Variants in DGLUCY observed in about 807,000 individuals in gnomAD.
DGLUCY encodes D-glutamate cyclase, mitochondrial.
A neutral mutation model predicts 58.5 loss-of-function variants in DGLUCY; 58 were observed. That is an observed-to-expected ratio of 0.99 (90% CI 0.80 to 1.23). DGLUCY has a LOEUF of 1.23. Ranked by LOEUF, DGLUCY falls within the 50% of genes most tolerant of loss-of-function variation. The pLI, the probability that DGLUCY is intolerant of heterozygous loss-of-function variation, is 0.00. For missense variants in DGLUCY, 779 were observed against 784.7 expected, an observed-to-expected ratio of 0.99 and a Z score of 0.09; for synonymous variants, 325 against 314.1, an observed-to-expected ratio of 1.03 and a Z score of -0.37.
intron 1 of DGLUCY, among the ~76,000 whole-genome samples, chr14:91,074,928 C>G (rs58476909): frequency 6.6e-6 from 1 of 151,818 alleles, no homozygotes; most frequent in Non-Finnish European, 1.5e-5. Context: ...CAAAATTAGC[C>G]GGGTGTGGTG....
intron 13 of DGLUCY, among the ~76,000 whole-genome samples, chr14:91,223,328 A>C (rs1036198900): frequency 8.5e-5 from 13 of 152,288 alleles, no homozygotes; most frequent in African/African-American, 3.1e-4. Context: ...ACCTTTGATC[A>C]ATGGTGGGAT....
chr14:91,215,336 TC>T, intron 12 of DGLUCY, 68 bp from the exon 13 acceptor site: 1 of 1,544,092 alleles, frequency 6.5e-7, no homozygotes. Flanking sequence ...TAGTTCTGCT[TC>T]CTAGAGGCAG....
In DGLUCY at chr14:91,213,982, G is replaced by A. The variant is rs992091844; in HGVS notation, c.1565-1423G>A. 1.8e-4 allele frequency among the ~76,000 whole-genome samples: 27 copies of A among 151,982 alleles called. 1 individual carries two copies. The highest frequency in any genetic ancestry group is 6.0e-4 in the African/African-American group (25 of 41,380). On this transcript the variant is annotated intron_variant, in intron 12 of 13. Coordinates refer to ENST00000256324, the MANE Select transcript of DGLUCY (RefSeq NM_001102368.3). ...CCCAAATTGCTAGGATTACAGGCTT[G>A]AGCCACCGTGCCCGGCCAAGGGAGT... is the stretch of plus-strand genomic sequence containing the variant.
At chr14:91,074,715 G>C (rs1460937851) in intron 1 of DGLUCY, among the ~76,000 whole-genome samples, 1 of 152,022 alleles carries the variant, frequency 6.6e-6, no homozygotes, top group Admixed American at 6.6e-5. Flanking sequence ...GAAAGTAATG[G>C]CAAAAACCAT....
chr14:91,192,910 T>G lies in DGLUCY; in HGVS notation c.1196-3465T>G, dbSNP rs1336436309. On this transcript the variant is annotated intron_variant, in intron 9 of 13. Transcript: ENST00000256324. ...GACCCTGTTAGGTATGAGGTGCGTC[T>G]ATTAGACACACAGTGGAGAAGTCAA... 2.0e-5 allele frequency among the ~76,000 whole-genome samples: 3 copies of G among 152,350 alleles called. No individual in the cohort carries two copies. In the East Asian group the frequency reaches 5.8e-4, roughly 29 times the overall value.
chr14:91,117,249 A>T (rs1045398292), intron 1 of DGLUCY, among the ~76,000 whole-genome samples: 1 of 152,172 alleles, frequency 6.6e-6, no homozygotes, highest in African/African-American at 2.4e-5. Flanking sequence ...GGTCACTTTC[A>T]TTGCTATCTT....
intron 6 of DGLUCY, among the ~76,000 whole-genome samples, chr14:91,174,821 C>T (rs182426652): frequency 3.4e-4 from 52 of 152,230 alleles, no homozygotes; most frequent in African/African-American, 3.9e-4. Flanking sequence ...GCCCTCAACC[C>T]GTGGGTTCTG....
At chr14:91,169,184 G>A (rs1459076317) in intron 4 of DGLUCY, among the ~76,000 whole-genome samples, 11 of 152,182 alleles carry the variant, frequency 7.2e-5, no homozygotes, top group Middle Eastern at 6.8e-3. Context: ...GCATGTGCCC[G>A]GCATGAAGGC....
At chr14:91,212,462 C>T (rs1201862342) in intron 12 of DGLUCY, among the ~76,000 whole-genome samples, 1 of 152,200 alleles carries the variant, frequency 6.6e-6, no homozygotes, top group Non-Finnish European at 1.5e-5. Context: ...ACTCCAGGAG[C>T]TACTCTATGT....
In DGLUCY at chr14:91,215,707, G is replaced by T. The variant is rs1417487318; in HGVS notation, c.1716+151G>T. ...CCAGCCTTGAAGCAGAGGTCTCCTG[G>T]ATTGGGTGCCCTTTAAGCTACTCGC... On this transcript the variant is annotated intron_variant, in intron 13 of 13. Transcript: ENST00000256324. 3.2e-6 allele frequency: 5 copies of T among 1,544,596 alleles called. No homozygotes were observed. The East Asian group carries it at 1.2e-4, about 37-fold the overall frequency.
chr14:91,091,272 G>A (rs1595630466), intron 1 of DGLUCY: 2 of 152,172 alleles, frequency 1.3e-5, no homozygotes, highest in African/African-American at 4.8e-5. Flanking sequence ...TGTAATCTCA[G>A]CACTTTGGGA....
At chr14:91,123,371 G>A (rs1456225113) in intron 1 of DGLUCY, among the ~76,000 whole-genome samples, 2 of 152,082 alleles carry the variant, frequency 1.3e-5, no homozygotes, top group Non-Finnish European at 2.9e-5. Flanking sequence ...AATAAACGCT[G>A]CCCTGGCAGG....
At chr14:91,187,868 C>G (rs796208346) in intron 8 of DGLUCY, among the ~76,000 whole-genome samples, 11 of 152,216 alleles carry the variant, frequency 7.2e-5, no homozygotes, top group African/African-American at 2.6e-4. Flanking sequence ...TCCGCTTTCC[C>G]CATCTTCTCA....
chr14:91,065,537 C>T (rs2043806007), intron 1 of DGLUCY, among the ~76,000 whole-genome samples: 1 of 152,170 alleles, frequency 6.6e-6, no homozygotes, highest in African/African-American at 2.4e-5. Flanking sequence ...CTCCACCACT[C>T]CTACCCCTAA....
At chr14:91,097,218 G>A (rs2044409433) in intron 1 of DGLUCY, among the ~76,000 whole-genome samples, 1 of 152,074 alleles carries the variant, frequency 6.6e-6, no homozygotes, top group Non-Finnish European at 1.5e-5. Context: ...GCAATATGGT[G>A]AAACCCTGTC....
At chr14:91,120,070 A>T (rs1410492389) in intron 1 of DGLUCY, among the ~76,000 whole-genome samples, 1 of 152,040 alleles carries the variant, frequency 6.6e-6, no homozygotes, top group East Asian at 1.9e-4. Context: ...CTATTGTGGG[A>T]CTTAACCTTG....
In DGLUCY at chr14:91,225,297, C is replaced by T. The variant is rs1483313317; in HGVS notation, c.*464C>T. 1 of 153,182 alleles carries T rather than the reference C, an allele frequency of 6.5e-6. No individual in the cohort carries two copies. The highest frequency in any genetic ancestry group is 1.5e-5 in the Non-Finnish European group (1 of 68,734). The allele number at this position is 153,182 out of a possible 1,614,324, so 9.5% of individuals were successfully genotyped here. A position where few individuals can be genotyped will look rare whatever the true frequency, so the allele number is the denominator to read the frequency against. ...CATGGTTTCAGTTACTCATAGCCAA[C>T]TGCAGACCGAAAATACTAAATGAAA... is the stretch of plus-strand genomic sequence containing the variant. On this transcript the variant is annotated 3_prime_UTR_variant, in exon 14 of 14. Transcript: ENST00000256324.
chr14:91,104,268 T>C (rs946751853), upstream of DGLUCY, among the ~76,000 whole-genome samples: 4 of 151,764 alleles, frequency 2.6e-5, no homozygotes, highest in Admixed American at 6.6e-5. Context: ...TTCACCGTGT[T>C]AGCCAGGATA....
In DGLUCY at chr14:91,224,864, A is replaced by G; in HGVS notation, c.*31A>G. On this transcript the variant is annotated 3_prime_UTR_variant, in exon 14 of 14. Coordinates refer to ENST00000256324, the MANE Select transcript of DGLUCY (RefSeq NM_001102368.3). ...CATGTTCCGTGTGAGCAGAGTCCCT[A>G]CCAACGGGCAGGTCTGCATCCGGGG... is the stretch of plus-strand genomic sequence containing the variant. 1 of 1,562,140 alleles carries G rather than the reference A, an allele frequency of 6.4e-7. No individual in the cohort carries two copies. Among genetic ancestry groups the G allele is most frequent in the Non-Finnish European group, 8.7e-7 (1 of 1,144,858 alleles).
Sources: allele counts gnomAD v4.1 joint callset (sites outside exome capture counted in the v4.1 genomes callset), GRCh38; gene constraint gnomAD v4.1.1; transcripts MANE v1.5; gene names NCBI Gene and HGNC (gene_info 2026-07-23, HGNC 2026-07-21).